Variants in FBN2 observed in about 807,000 individuals in gnomAD.
FBN2 encodes the protein fibrillin-2.
FBN2 carries 105 observed loss-of-function variants against 355.6 expected under a neutral mutation model. The observed-to-expected ratio is 0.30, with a 90% CI of 0.25 to 0.35. FBN2 has a LOEUF of 0.35. Among genes scored for constraint, FBN2 ranks in the 10% least tolerant of loss-of-function variants. The pLI, the probability that FBN2 is intolerant of heterozygous loss-of-function variation, is 1.00. For synonymous variants in FBN2, 1,350 were observed against 1,301.2 expected (o/e 1.04, Z -0.81); for missense variants, 3,280 against 3,758.7 (o/e 0.87, Z 3.33).
intron 7 of FBN2, among the ~76,000 whole-genome samples, chr5:128,444,097 G>A (rs920064058): frequency 7.0e-5 from 8 of 114,216 alleles, no homozygotes; most frequent in African/African-American, 2.8e-4. Flanking sequence ...ACGGAGTCTC[G>A]CTCTGTCGCC....
chr5:128,471,905 A>C (rs1754871057), intron 5 of FBN2, among the ~76,000 whole-genome samples: 1 of 152,214 alleles, frequency 6.6e-6, no homozygotes, highest in African/African-American at 2.4e-5. Flanking sequence ...GCACTTTAAA[A>C]AGATATCTGA....
At chr5:128,374,114 T>A (rs1752019324) in intron 15 of FBN2, among the ~76,000 whole-genome samples, 1 of 152,138 alleles carries the variant, frequency 6.6e-6, no homozygotes, top group African/African-American at 2.4e-5. Context: ...AGTTTAAAAA[T>A]ATATTTTTTC....
At chr5:128,375,510 C>G (rs1752056473) in intron 14 of FBN2, among the ~76,000 whole-genome samples, 1 of 152,118 alleles carries the variant, frequency 6.6e-6, no homozygotes, top group Admixed American at 6.5e-5. Context: ...GTTCAACCAG[C>G]AAAACTACAG....
chr5:128,445,998 C>G (rs1219803989), intron 7 of FBN2: 2 of 154,456 alleles, frequency 1.3e-5, no homozygotes, highest in Non-Finnish European at 2.9e-5. Context: ...TTTCCAAACC[C>G]TTCCTGAATC....
chr5:128,412,936 G>GA (rs376943423), intron 7 of FBN2, among the ~76,000 whole-genome samples: 32 of 152,132 alleles, frequency 2.1e-4, no homozygotes, highest in African/African-American at 7.2e-4. Flanking sequence ...TAATTTGAAG[G>GA]AAAAATCAAC....
intron 34 of FBN2, among the ~76,000 whole-genome samples, chr5:128,327,079 A>T (rs1750569514): frequency 1.3e-5 from 2 of 152,202 alleles, no homozygotes; most frequent in South Asian, 4.1e-4. Flanking sequence ...ATTTACATTG[A>T]TTCACATTTT....
chr5:128,271,704 A>T (rs1376126034), intron 62 of FBN2, among the ~76,000 whole-genome samples: 2 of 152,214 alleles, frequency 1.3e-5, no homozygotes, highest in Non-Finnish European at 1.5e-5. Context: ...GCAAACAAAG[A>T]TGATGATTCT....
chr5:128,448,470 G>A (rs191956034), intron 6 of FBN2, among the ~76,000 whole-genome samples: 21 of 151,976 alleles, frequency 1.4e-4, no homozygotes, highest in Non-Finnish European at 2.5e-4. Context: ...ACCACGCCCG[G>A]CTAATTTTGT....
intron 5 of FBN2, among the ~76,000 whole-genome samples, chr5:128,502,991 A>G (rs1165607992): frequency 1.3e-5 from 2 of 152,164 alleles, no homozygotes; most frequent in Non-Finnish European, 2.9e-5. Flanking sequence ...TTCCCAGCTG[A>G]TGTGGTTTGG....
At chr5:128,342,007 G>A (rs1394306672) in intron 25 of FBN2, among the ~76,000 whole-genome samples, 8 of 152,168 alleles carry the variant, frequency 5.3e-5, no homozygotes, top group Admixed American at 4.6e-4. Context: ...AAAGTACAGG[G>A]TAGGGGGAAG....
chr5:128,478,130 A>C (rs1265959572), intron 5 of FBN2, among the ~76,000 whole-genome samples: 24 of 152,184 alleles, frequency 1.6e-4, no homozygotes, highest in Non-Finnish European at 1.5e-5. Context: ...TCTTATCGGC[A>C]TTTAGCTTCT....
chr5:128,339,360 G>A (rs1750936535), intron 25 of FBN2, among the ~76,000 whole-genome samples: 1 of 152,106 alleles, frequency 6.6e-6, no homozygotes, highest in Admixed American at 6.5e-5. Flanking sequence ...ACTCATGCCT[G>A]TAATCTCAGC....
intron 17 of FBN2, among the ~76,000 whole-genome samples, chr5:128,365,715 AGTG>A (rs1751749284): frequency 6.6e-6 from 1 of 150,402 alleles, no homozygotes; most frequent in African/African-American, 2.4e-5. Flanking sequence ...TCATATATAT[AGTG>A]AAGATTAATA....
intron 5 of FBN2, among the ~76,000 whole-genome samples, chr5:128,465,244 A>G (rs1047269790): frequency 6.6e-6 from 1 of 152,170 alleles, no homozygotes; most frequent in Non-Finnish European, 1.5e-5. Flanking sequence ...ATTCCACATG[A>G]AATTTGTATT....
chr5:128,286,916 G>A (rs1581188876), intron 54 of FBN2, 67 bp from the exon 55 acceptor site: 47 of 1,478,362 alleles, frequency 3.2e-5, no homozygotes, highest in Non-Finnish European at 4.2e-5. Context: ...TTAAGTCACA[G>A]GTGTGGTCTT....
intron 48 of FBN2, among the ~76,000 whole-genome samples, 194 bp downstream of exon 48, chr5:128,300,623 A>G (rs1385404754): frequency 6.6e-6 from 1 of 152,256 alleles, no homozygotes; most frequent in East Asian, 1.9e-4. Context: ...GGTAATGAAA[A>G]AATCCTACAT....
At chr5:128,336,218 T>TC in intron 27 of FBN2, 105 bp from the exon 28 acceptor site, 3 of 1,122,426 alleles carry the variant, frequency 2.7e-6, no homozygotes, top group Non-Finnish European at 4.0e-6. Context: ...TTTGTGTACT[T>TC]CACGAGGAAG....
At chr5:128,303,556 G>T (rs998453487) in intron 45 of FBN2, among the ~76,000 whole-genome samples, 1 of 152,080 alleles carries the variant, frequency 6.6e-6, no homozygotes, top group African/African-American at 2.4e-5. Flanking sequence ...CCAAATTGAG[G>T]TTTATTAGAA....
intron 5 of FBN2, among the ~76,000 whole-genome samples, chr5:128,498,076 T>A (rs1405031038): frequency 6.6e-6 from 1 of 152,094 alleles, no homozygotes; most frequent in Non-Finnish European, 1.5e-5. Context: ...GACCAGTGTG[T>A]CAGACACATT....
Sources: gnomAD v4.1 joint callset for allele counts (sites outside exome capture counted in the v4.1 genomes callset) on GRCh38, gnomAD v4.1.1 for gene constraint, MANE v1.5 for transcripts, NCBI Gene and HGNC (gene_info 2026-07-23, HGNC 2026-07-21) for gene names.